Variants in PRKAG2 observed in about 807,000 individuals in gnomAD.
PRKAG2 encodes protein kinase AMP-activated non-catalytic subunit gamma 2, also known as 5'-AMP-activated protein kinase subunit gamma-2.
A neutral mutation model predicts 69.6 loss-of-function variants in PRKAG2; 26 were observed. The ratio of observed to expected loss-of-function variants is 0.37; its 90% CI spans 0.27 to 0.52. The LOEUF (loss-of-function observed/expected upper bound fraction) is 0.52. Among genes scored for constraint, PRKAG2 ranks in the 20% least tolerant of loss-of-function variants. The probability of loss-of-function intolerance (pLI) is 0.90; values close to 1 mark genes in which losing one functional copy is unlikely to be tolerated. For synonymous variants in PRKAG2, 293 were observed against 285.0 expected (o/e 1.03, Z -0.28); for missense variants, 557 against 740.0 (o/e 0.75, Z 2.87).
intron 3 of PRKAG2, among the ~76,000 whole-genome samples, chr7:151,687,323 A>G (rs1014941557): frequency 8.2e-6 from 1 of 121,514 alleles, no homozygotes; most frequent in African/African-American, 2.8e-5. Flanking sequence ...TGCCACTTAG[A>G]AAGCAGTCCT....
Position 151,874,118 on chromosome 7 carries a change from T to TATG in PRKAG2, c.114+2386_114+2388dup, listed in dbSNP as rs1355083009. Among the ~76,000 whole-genome samples the TATG allele has an allele frequency of 3.4e-5, 5 of 145,406 alleles. No individual in the cohort carries two copies. The East Asian group carries it at 1.0e-3, about 29-fold the overall frequency. The stretch of plus-strand genomic sequence containing the variant: ...TGTATATGTATATGATGTATATGTA[T>TATG]ATGTATATGATGTATATGTATATAT... On this transcript the variant is annotated intron_variant, in intron 1 of 15. Transcript: ENST00000287878.
At chr7:151,653,847 G>A (rs1010739047) in intron 4 of PRKAG2, among the ~76,000 whole-genome samples, 1 of 151,986 alleles carries the variant, frequency 6.6e-6, no homozygotes, top group African/African-American at 2.4e-5. Context: ...ATCTCAAAAC[G>A]AACAAAAATC....
intron 5 of PRKAG2, among the ~76,000 whole-genome samples, chr7:151,600,788 A>G (rs1304889543): frequency 1.3e-5 from 2 of 152,066 alleles, no homozygotes; most frequent in Admixed American, 6.6e-5. Flanking sequence ...TCCTTGTTCA[A>G]TTTCAATCCA....
rs1392237179 is a variant in PRKAG2, at chr7:151,567,530, T to TG, written c.1233+1185dup. ...CCCTGAATACATCCTTCCCACCCCA[T>TG]GCTCCCTCTGTTCCTATTAAACTTC... On this transcript the variant is annotated intron_variant, in intron 11 of 15. Transcript: ENST00000287878. This position sits in a 1 kb window ranked among gnomAD's most constrained non-coding sequence, Gnocchi z 4.2. Among the ~76,000 whole-genome samples, 1 of 152,108 alleles carries TG rather than the reference T, an allele frequency of 6.6e-6. No homozygotes were observed. Among genetic ancestry groups the TG allele is most frequent in the Non-Finnish European group, 1.5e-5 (1 of 68,002 alleles).
chr7:151,834,216 A>C (rs1310680117), intron 1 of PRKAG2, among the ~76,000 whole-genome samples: 1 of 152,242 alleles, frequency 6.6e-6, no homozygotes, highest in Non-Finnish European at 1.5e-5. Flanking sequence ...CTCAAGTCAC[A>C]GAATTTGGTG....
At chr7:151,744,802 G>A (rs1020879597) in intron 3 of PRKAG2, among the ~76,000 whole-genome samples, 1 of 152,104 alleles carries the variant, frequency 6.6e-6, no homozygotes, top group Non-Finnish European at 1.5e-5. Flanking sequence ...CCGGCCGACC[G>A]AGAGATCCAC....
chr7:151,818,562 T>C (rs1454223233), intron 1 of PRKAG2, among the ~76,000 whole-genome samples: 3 of 152,218 alleles, frequency 2.0e-5, no homozygotes, highest in Admixed American at 6.5e-5. Context: ...AAAGGGCTGA[T>C]GGCAACTGCC....
intron 15 of PRKAG2, chr7:151,558,102 C>T (rs951905971): frequency 2.0e-6 from 2 of 985,252 alleles, no homozygotes; most frequent in African/African-American, 3.5e-5. Flanking sequence ...TAGCTCCTGG[C>T]ATCAGACTGC....
intron 6 of PRKAG2, among the ~76,000 whole-genome samples, chr7:151,589,404 C>T (rs112186009): frequency 1.3e-5 from 2 of 152,140 alleles, no homozygotes; most frequent in East Asian, 3.9e-4. Context: ...TGAGCCTCAT[C>T]CCCCCGTTTT....
chr7:151,564,040 T>C (rs1805681009), intron 14 of PRKAG2, 38 bp downstream of exon 14: 20 of 1,613,346 alleles, frequency 1.2e-5, no homozygotes, highest in Non-Finnish European at 1.6e-5. Context: ...CTTGTTGCAG[T>C]GGACGTCGGG....
chr7:151,619,430 C>A (rs1012729165), intron 5 of PRKAG2, among the ~76,000 whole-genome samples: 2 of 152,158 alleles, frequency 1.3e-5, no homozygotes, highest in African/African-American at 4.8e-5. Context: ...CCATAAGTTA[C>A]CCTGAACACA....
intron 3 of PRKAG2, among the ~76,000 whole-genome samples, chr7:151,706,910 C>A (rs985728495): frequency 2.6e-4 from 39 of 152,350 alleles, no homozygotes; most frequent in African/African-American, 8.2e-4. Context: ...CTCAAATACA[C>A]CCTCCAGAGG....
chr7:151,776,567 C>G (rs913363363), intron 3 of PRKAG2, among the ~76,000 whole-genome samples: 3 of 152,224 alleles, frequency 2.0e-5, no homozygotes, highest in African/African-American at 4.8e-5. Context: ...CAAGGGAGGG[C>G]CCAGGCCCCG....
intron 3 of PRKAG2, among the ~76,000 whole-genome samples, chr7:151,728,319 C>G (rs1224554983): frequency 1.3e-5 from 2 of 152,180 alleles, no homozygotes; most frequent in Non-Finnish European, 2.9e-5. Flanking sequence ...GGGCAGAATT[C>G]ATCTTGCTCT....
intron 4 of PRKAG2, among the ~76,000 whole-genome samples, chr7:151,645,888 A>G (rs1205316405): frequency 6.6e-6 from 1 of 152,134 alleles, no homozygotes; most frequent in Non-Finnish European, 1.5e-5. Context: ...TTAAATTATG[A>G]TATGTGGCAA....
intron 1 of PRKAG2, among the ~76,000 whole-genome samples, chr7:151,795,885 ATATAT>A (rs1563689787): frequency 6.8e-4 from 74 of 109,276 alleles, no homozygotes; most frequent in Middle Eastern, 4.8e-3. Context: ...ATATATATAT[ATATAT>A]CACGATAATA....
intron 5 of PRKAG2, among the ~76,000 whole-genome samples, chr7:151,611,253 G>T: frequency 6.6e-6 from 1 of 152,170 alleles, no homozygotes; most frequent in East Asian, 1.9e-4. Flanking sequence ...AGTGCTGATC[G>T]ATGGTTACAC....
intron 3 of PRKAG2, among the ~76,000 whole-genome samples, chr7:151,732,252 A>T (rs1053992272): frequency 3.3e-5 from 5 of 150,328 alleles, no homozygotes; most frequent in African/African-American, 1.2e-4. Context: ...AATCCTCCCA[A>T]CTCAGCCTTC....
At chr7:151,703,057 G>T (rs1837990613) in intron 3 of PRKAG2, among the ~76,000 whole-genome samples, 1 of 152,148 alleles carries the variant, frequency 6.6e-6, no homozygotes, top group Non-Finnish European at 1.5e-5. Flanking sequence ...TAACCTGCCT[G>T]CCCAGGGAGA....
Sources: gnomAD v4.1 joint callset for allele counts (sites outside exome capture counted in the v4.1 genomes callset) on GRCh38, gnomAD v4.1.1 for gene constraint, Gnocchi (gnomAD v3.1) non-coding constraint, MANE v1.5 for transcripts, NCBI Gene and HGNC (gene_info 2026-07-23, HGNC 2026-07-21) for gene names.